Variants in NAALAD2 observed in about 807,000 individuals in gnomAD.
The protein encoded by NAALAD2 is N-acetylated alpha-linked acidic dipeptidase 2.
NAALAD2 carries 89 observed loss-of-function variants against 95.6 expected under a neutral mutation model. That is an observed-to-expected ratio of 0.93 (90% CI 0.78 to 1.11). The LOEUF is 1.11. NAALAD2 is among the 50% of genes least tolerant of loss of function. The pLI is 0.00. For missense variants in NAALAD2, 894 were observed against 872.4 expected (o/e 1.02, Z -0.31); for synonymous variants, 264 against 294.4 (o/e 0.90, Z 1.06).
chr11:90,137,948 A>C (rs60263466), intron 2 of NAALAD2, among the ~76,000 whole-genome samples: 6,375 of 151,720 alleles, frequency 0.042, 442 homozygotes, highest in African/African-American at 0.15. Flanking sequence ...CAACCCTCCT[A>C]TGGAGATTTT....
Position 90,176,087 on chromosome 11 carries a change from A to T in NAALAD2, c.1593+25A>T, listed in dbSNP as rs774872987. 5 of 1,556,682 alleles carry T rather than the reference A, an allele frequency of 3.2e-6. No individual in the cohort carries two copies. In the Admixed American group the frequency reaches 8.4e-5, roughly 26 times the overall value. ...GGTAAGCCATTTTATCATTTTGAAT[A>T]TATAACATTTCATCTACAGTCCTTT... On this transcript the variant is annotated intron_variant, in intron 15 of 18. Coordinates refer to ENST00000534061, the MANE Select transcript of NAALAD2 (RefSeq NM_005467.4).
intron 8 of NAALAD2, among the ~76,000 whole-genome samples, chr11:90,159,600 C>T (rs1165274242): frequency 6.6e-6 from 1 of 152,058 alleles, no homozygotes; most frequent in Admixed American, 6.5e-5. Context: ...ATTCTCTCTT[C>T]AGCTATTTTT....
At chr11:90,183,842 C>T (rs545614186) in intron 18 of NAALAD2, among the ~76,000 whole-genome samples, 1 of 152,262 alleles carries the variant, frequency 6.6e-6, no homozygotes, top group African/African-American at 2.4e-5. Flanking sequence ...GCATTTTTGA[C>T]TTGTGATATT....
chr11:90,163,920 AT>A (rs1786409234), intron 11 of NAALAD2: 1 of 459,438 alleles, frequency 2.2e-6, no homozygotes, highest in Non-Finnish European at 3.8e-6. Flanking sequence ...TTAATGAGAT[AT>A]TTTTGATGAT....
upstream of NAALAD2, among the ~76,000 whole-genome samples, chr11:90,133,958 G>A (rs1031228707): frequency 8.5e-5 from 13 of 152,180 alleles, no homozygotes; most frequent in African/African-American, 3.1e-4. Context: ...AGCTGGAAGA[G>A]AGGGGTATGG....
chr11:90,158,066 AC>A, intron 6 of NAALAD2, 78 bp from the exon 7 acceptor site: 1 of 1,077,004 alleles, frequency 9.3e-7, no homozygotes, highest in East Asian at 2.4e-5. Flanking sequence ...CAAATCTGCA[AC>A]GGTTATGCAA....
intron 11 of NAALAD2, 53 bp from the exon 12 acceptor site, chr11:90,168,876 C>T: frequency 7.1e-7 from 1 of 1,407,760 alleles, no homozygotes; most frequent in Non-Finnish European, 9.9e-7. Context: ...ATTTTGTTTA[C>T]ATTTTCACAA....
chr11:90,163,163 T>C, intron 9 of NAALAD2, 129 bp downstream of exon 9: 1 of 1,219,324 alleles, frequency 8.2e-7, no homozygotes, highest in Non-Finnish European at 1.1e-6. Context: ...TGAGGAAAAC[T>C]GTACAAATCT....
chr11:90,163,043 C>A lies in NAALAD2; in HGVS notation c.1075+9C>A. On this transcript the variant is annotated intron_variant, in intron 9 of 18. Transcript: ENST00000534061. ...AGGATCTGTGGAACCTGGTGAGTCA[C>A]ATAATTTTTTAAAACATTTTGTTTT... is the stretch of plus-strand genomic sequence containing the variant. The A allele has an allele frequency of 2.0e-6, 3 of 1,520,774 alleles. No homozygotes were observed. Among genetic ancestry groups the A allele is most frequent in the East Asian group, 2.3e-5 (1 of 43,834 alleles). The allele number at this position is 1,520,774 out of a possible 1,614,324, so 94.2% of individuals were successfully genotyped here. A position where few individuals can be genotyped will look rare whatever the true frequency, so the allele number is the denominator to read the frequency against.
At chr11:90,132,286 G>A (rs1371618191), upstream of NAALAD2, 2 of 152,464 alleles carry the variant, frequency 1.3e-5, no homozygotes, top group African/African-American at 2.4e-5. Context: ...GTTAAATAAT[G>A]CATTGATTTA....
intron 6 of NAALAD2, among the ~76,000 whole-genome samples, chr11:90,157,232 CTAT>C (rs1232282935): frequency 4.6e-5 from 7 of 152,160 alleles, no homozygotes; most frequent in African/African-American, 7.2e-5. Flanking sequence ...CATGATAGAA[CTAT>C]TATTTTACAT....
chr11:90,148,808 T>G (rs1157961171), intron 3 of NAALAD2, among the ~76,000 whole-genome samples, 198 bp from the exon 4 acceptor site: 3 of 152,194 alleles, frequency 2.0e-5, no homozygotes, highest in Middle Eastern at 3.2e-3. Flanking sequence ...TGGGATTGCA[T>G]GCATTTATAA....
chr11:90,150,427 GTT>G (rs5793433), intron 4 of NAALAD2, 53 bp from the exon 5 acceptor site: 430,664 of 1,095,812 alleles, frequency 0.39, 80,323 homozygotes, highest in African/African-American at 0.62. Flanking sequence ...CTTATTTTTT[GTT>G]TTTTTTTTTC....
At position 90,178,132 on chromosome 11, in the gene NAALAD2, G is replaced by A. The variant is rs2134973124; in HGVS notation, c.1858+15G>A. On this transcript the variant is annotated intron_variant, in intron 16 of 18. Coordinates refer to ENST00000534061, the MANE Select transcript of NAALAD2 (RefSeq NM_005467.4). ...AGTATCATTTGGTAAGAAATAGTTG[G>A]GCAGATATTTTACAGTCTTTAAGTT... The A allele has an allele frequency of 6.3e-7, 1 of 1,597,108 alleles. No homozygotes were observed. The highest frequency in any genetic ancestry group is 8.5e-7 in the Non-Finnish European group (1 of 1,173,480).
At chr11:90,183,407 T>G (rs2134986792) in intron 18 of NAALAD2, among the ~76,000 whole-genome samples, 1 of 152,286 alleles carries the variant, frequency 6.6e-6, no homozygotes, top group Non-Finnish European at 1.5e-5. Flanking sequence ...TCATTTCACT[T>G]TATGAAAGGT....
At chr11:90,185,929 T>C (rs1173505325) in intron 18 of NAALAD2, among the ~76,000 whole-genome samples, 1 of 151,346 alleles carries the variant, frequency 6.6e-6, no homozygotes, top group Non-Finnish European at 1.5e-5. Context: ...TGTACAGCCA[T>C]ATTTGCCTTT....
At chr11:90,134,120 A>T (rs1951399336), upstream of NAALAD2, among the ~76,000 whole-genome samples, 1 of 152,180 alleles carries the variant, frequency 6.6e-6, no homozygotes, top group Admixed American at 6.5e-5. Context: ...TGTGAACCTA[A>T]AACATTCCAG....
At chr11:90,160,331 T>C (rs1173819560) in intron 8 of NAALAD2, among the ~76,000 whole-genome samples, 1 of 152,108 alleles carries the variant, frequency 6.6e-6, no homozygotes, top group African/African-American at 2.4e-5. Context: ...TTGCCTGAAA[T>C]GTGATGGGAG....
chr11:90,183,132 A>T (rs562922470), intron 18 of NAALAD2, 124 bp downstream of exon 18: 1 of 626,256 alleles, frequency 1.6e-6, no homozygotes, highest in South Asian at 2.1e-5. Context: ...AATTTGGGTA[A>T]GATTGTACAT....
Sources: allele counts gnomAD v4.1 joint callset (sites outside exome capture counted in the v4.1 genomes callset), GRCh38; gene constraint gnomAD v4.1.1; transcripts MANE v1.5; gene names NCBI Gene and HGNC (gene_info 2026-07-23, HGNC 2026-07-21).